Variants in SH3RF2 observed in about 807,000 individuals in gnomAD.
SH3RF2 encodes the protein SH3 domain containing ring finger 2.
Under a neutral mutation model 59.0 loss-of-function variants are expected in SH3RF2, and 43 were observed. The ratio of observed to expected loss-of-function variants is 0.73; its 90% CI spans 0.57 to 0.94. The LOEUF (loss-of-function observed/expected upper bound fraction) is 0.94. Ranked by LOEUF, SH3RF2 falls within the 40% of genes least tolerant of loss-of-function variation. The pLI is 0.00. For synonymous variants in SH3RF2, 391 were observed against 391.5 expected (o/e 1.00, Z 0.01); for missense variants, 930 against 940.1 (o/e 0.99, Z 0.14).
Position 145,988,118 on chromosome 5 carries a change from G to A in SH3RF2, c.379-11940G>A, listed in dbSNP as rs370969063. On this transcript the variant is annotated intron_variant, in intron 2 of 9. Transcript: ENST00000359120. Reference sequence around the variant, plus strand: ...TAAAGCTTCCAGTTGTCCTCTCCCAGTGGAGTCATGCAGACAGCATTTCTT... The same window carrying A: ...TAAAGCTTCCAGTTGTCCTCTCCCAATGGAGTCATGCAGACAGCATTTCTT... 3.0e-4 allele frequency among the ~76,000 whole-genome samples: 46 copies of A among 152,296 alleles called. 1 individual carries two copies. In the South Asian group the frequency reaches 6.6e-3, roughly 22 times the overall value.
chr5:145,959,101 C>T (rs1243304845), intron 2 of SH3RF2, among the ~76,000 whole-genome samples: 1 of 152,094 alleles, frequency 6.6e-6, no homozygotes, highest in Admixed American at 6.6e-5. Context: ...CAAAAGGTAA[C>T]ATGAAAGGGA....
rs75799330 is a variant in SH3RF2, at chr5:146,061,068, C to T, written c.1914+844C>T. On this transcript the variant is annotated intron_variant, in intron 9 of 9. Coordinates refer to ENST00000359120, the MANE Select transcript of SH3RF2 (RefSeq NM_152550.4). Reference sequence around the variant, plus strand: ...CCATCATCGTCCATTCCCCTCAGAACGGAAAGAGGATGCGATTCCCCCATT... The same window carrying T: ...CCATCATCGTCCATTCCCCTCAGAATGGAAAGAGGATGCGATTCCCCCATT... 4.5e-4 allele frequency among the ~76,000 whole-genome samples: 69 copies of T among 152,304 alleles called. 2 individuals carry two copies. In the East Asian group the frequency reaches 0.01, roughly 23 times the overall value.
intron 2 of SH3RF2, among the ~76,000 whole-genome samples, chr5:145,978,663 T>G (rs1759391867): frequency 6.6e-6 from 1 of 150,470 alleles, no homozygotes; most frequent in South Asian, 2.1e-4. Context: ...AGGCAGGAGT[T>G]AGTTAGGAGG....
intron 2 of SH3RF2, among the ~76,000 whole-genome samples, chr5:145,946,610 C>T (rs1758013503): frequency 6.6e-6 from 1 of 152,130 alleles, no homozygotes; most frequent in African/African-American, 2.4e-5. Context: ...GGGTGATGAA[C>T]ATCATTCTCG....
At chr5:145,939,650 C>T (rs999426417) in intron 2 of SH3RF2, among the ~76,000 whole-genome samples, 3 of 152,070 alleles carry the variant, frequency 2.0e-5, no homozygotes, top group Admixed American at 1.3e-4. Flanking sequence ...CTTTTTAAGT[C>T]CCTCCACTAC....
In SH3RF2 at chr5:146,058,005, A is replaced by T. The variant is rs181563366; in HGVS notation, c.1555+1792A>T. Among the ~76,000 whole-genome samples, 107 of 147,360 alleles carry T rather than the reference A, an allele frequency of 7.3e-4. No homozygotes were observed. In the East Asian group the frequency reaches 0.019, roughly 27 times the overall value. On this transcript the variant is annotated intron_variant, in intron 8 of 9. Coordinates refer to ENST00000359120, the MANE Select transcript of SH3RF2 (RefSeq NM_152550.4). Reference sequence around the variant, plus strand: ...CTATCTATATATATATATTTGATTTAAAAAACGAGAAATGTTCACACTCAG... The same window carrying T: ...CTATCTATATATATATATTTGATTTTAAAAACGAGAAATGTTCACACTCAG...
intron 4 of SH3RF2, among the ~76,000 whole-genome samples, chr5:146,010,506 G>T: frequency 6.6e-6 from 1 of 152,170 alleles, no homozygotes; most frequent in East Asian, 1.9e-4. Context: ...CAGTGTAAAA[G>T]TGTTCCTATT....
rs113978719 is a variant in SH3RF2 at position 146,012,317 on chromosome 5, T to A, written c.745-1430T>A. On this transcript the variant is annotated intron_variant, in intron 4 of 9. Coordinates refer to ENST00000359120, the MANE Select transcript of SH3RF2 (RefSeq NM_152550.4). ...GATGTTCATCAGGGATATTGGTCTATAATTCTCTTTGTTTGTTGTGTCTCT... is the reference window on the plus strand; with the variant it reads ...GATGTTCATCAGGGATATTGGTCTAAAATTCTCTTTGTTTGTTGTGTCTCT... 9.8e-5 allele frequency among the ~76,000 whole-genome samples: 15 copies of A among 152,314 alleles called. 3 individuals are homozygous for A. Among genetic ancestry groups the A allele is most frequent in the African/African-American group, 3.6e-4 (15 of 41,574 alleles).
downstream of SH3RF2, among the ~76,000 whole-genome samples, chr5:146,063,721 A>C (rs1046800468): frequency 1.3e-5 from 2 of 152,136 alleles, no homozygotes; most frequent in African/African-American, 4.8e-5. Flanking sequence ...TTAGCCAGGC[A>C]TGATGGCGCA....
At chr5:146,064,848 G>GA (rs1383075328), downstream of SH3RF2, among the ~76,000 whole-genome samples, 13 of 17,002 alleles carry the variant, frequency 7.6e-4, 2 homozygotes, top group South Asian at 0.039. Flanking sequence ...AAGAAAGAAA[G>GA]AAAGAAAGAA....
intron 2 of SH3RF2, among the ~76,000 whole-genome samples, chr5:145,970,280 C>A (rs57579559): frequency 0.012 from 1,785 of 152,040 alleles, 35 homozygotes; most frequent in African/African-American, 0.04. Flanking sequence ...CCCCTGCCAC[C>A]CTTCCCCCAG....
intron 7 of SH3RF2, among the ~76,000 whole-genome samples, chr5:146,052,487 C>T (rs1762535111): frequency 6.6e-6 from 1 of 152,170 alleles, no homozygotes; most frequent in Non-Finnish European, 1.5e-5. Context: ...GAAATCTGAA[C>T]ATATGCAAAT....
At chr5:146,002,373 C>T (rs966006497) in intron 3 of SH3RF2, among the ~76,000 whole-genome samples, 2 of 151,974 alleles carry the variant, frequency 1.3e-5, no homozygotes, top group African/African-American at 4.8e-5. Context: ...ATCGCTTGAA[C>T]CCAGGAGGCG....
At position 146,004,065 on chromosome 5, in the gene SH3RF2, T is replaced by G. The variant is rs764971542; in HGVS notation, c.656T>G (p.Ile219Ser). 7.3e-5 allele frequency: 117 copies of G among 1,612,272 alleles called. No homozygotes were observed. The highest frequency in any genetic ancestry group is 9.0e-5 in the Non-Finnish European group (106 of 1,178,770). ...QDCLTFLKDD[I>S]ITVISRVDEN... ...TGAGACTTTCTCTTTCAGGACGATA[T>G]CATCACTGTGATCAGCCGAGTGGAT... is the stretch of plus-strand genomic sequence containing the variant. Residue 219 changes from isoleucine to serine, a missense_variant, in exon 4 of 10, where the codon ATC becomes AGC. Ile to Ser is a moderately radical substitution (Grantham distance 142). Transcript: ENST00000359120.
At chr5:146,078,145 A>G (rs1763370807) in intron 9 of SH3RF2, among the ~76,000 whole-genome samples, 1 of 152,230 alleles carries the variant, frequency 6.6e-6, no homozygotes, top group Non-Finnish European at 1.5e-5. Context: ...ACCATGAATG[A>G]ATATTAAAAC....
At chr5:145,974,994 C>T (rs948771164) in intron 2 of SH3RF2, among the ~76,000 whole-genome samples, 2 of 152,172 alleles carry the variant, frequency 1.3e-5, no homozygotes, top group Non-Finnish European at 2.9e-5. Context: ...TGTGTCTGAA[C>T]TCTTTTCTGG....
In SH3RF2 at chr5:146,004,047, TTC is replaced by T; in HGVS notation, c.649-7_649-6del. 1 of 1,609,972 alleles carries T rather than the reference TTC, an allele frequency of 6.2e-7. No individual in the cohort carries two copies. The highest frequency in any genetic ancestry group is 8.5e-7 in the Non-Finnish European group (1 of 1,177,054). On this transcript the variant is annotated splice_polypyrimidine_tract_variant and intron_variant, in intron 3 of 9. Coordinates refer to ENST00000359120, the MANE Select transcript of SH3RF2 (RefSeq NM_152550.4). ...GAGAGTAAATGCTGACCATGAGACT[TTC>T]TCTTTCAGGACGATATCATCACTGT...
chr5:146,060,213 G>A lies in SH3RF2; in HGVS notation c.1903G>A (p.Gly635Ser). The change falls in exon 9 of 10, where the codon GGC (glycine) becomes AGC (serine). Residue 635 changes from glycine (G) to serine (S), a missense_variant. Transcript: ENST00000359120. ...ILVKPENSRN[G>S]IEKQVKTVRF... The stretch of plus-strand genomic sequence containing the variant: ...GGTGAAACCAGAAAACTCAAGAAAT[G>A]GCATCGAAAAGGTAGGATCAGAGTG... 6.2e-7 allele frequency: 1 copy of A among 1,607,004 alleles called. No individual in the cohort carries two copies. The highest frequency in any genetic ancestry group is 8.5e-7 in the Non-Finnish European group (1 of 1,176,302).
At chr5:146,033,451 C>CCT (rs1561753484) in intron 5 of SH3RF2, among the ~76,000 whole-genome samples, 1 of 71,870 alleles carries the variant, frequency 1.4e-5, no homozygotes, top group African/African-American at 9.6e-5. Flanking sequence ...TAGCCCTTAG[C>CCT]TTTTTTTTTT....
Sources: gnomAD v4.1 joint callset for allele counts (sites outside exome capture counted in the v4.1 genomes callset) on GRCh38, gnomAD v4.1.1 for gene constraint, MANE v1.5 for transcripts, NCBI Gene and HGNC (gene_info 2026-07-23, HGNC 2026-07-21) for gene names.